Variants in SLC8A1 observed in about 807,000 individuals in gnomAD.
SLC8A1 encodes the protein solute carrier family 8 member A1.
In SLC8A1, 18 loss-of-function variants were observed where a neutral mutation model predicts 68.3. That is an observed-to-expected ratio of 0.26 (90% CI 0.18 to 0.39). The LOEUF (loss-of-function observed/expected upper bound fraction) is 0.39. Ranked by LOEUF, SLC8A1 falls within the 10% of genes least tolerant of loss-of-function variation. The pLI, the probability that SLC8A1 is intolerant of heterozygous loss-of-function variation, is 1.00. For synonymous variants in SLC8A1, 475 were observed against 415.5 expected (o/e 1.14, Z -1.74); for missense variants, 985 against 1,156.7 (o/e 0.85, Z 2.15).
chr2:40,312,067 C>G (rs897537304), intron 2 of SLC8A1, among the ~76,000 whole-genome samples: 2 of 152,006 alleles, frequency 1.3e-5, no homozygotes, highest in African/African-American at 4.8e-5. Flanking sequence ...CTAGGCTAGA[C>G]AAAAAATTCA....
intron 2 of SLC8A1, among the ~76,000 whole-genome samples, chr2:40,398,381 G>T (rs886687660): frequency 1.3e-5 from 2 of 152,082 alleles, no homozygotes; most frequent in African/African-American, 4.8e-5. Flanking sequence ...GTACTGTCTT[G>T]TTCCTGGTTA....
chr2:40,146,544 C>CTAT (rs2042495348), intron 6 of SLC8A1, among the ~76,000 whole-genome samples: 1 of 151,980 alleles, frequency 6.6e-6, no homozygotes, highest in African/African-American at 2.4e-5. Context: ...CACTTTATTT[C>CTAT]TATTATTGTT....
chr2:40,241,135 C>T (rs379859), intron 2 of SLC8A1, among the ~76,000 whole-genome samples: 21,573 of 151,964 alleles, frequency 0.14, 1,923 homozygotes, highest in African/African-American at 0.23. Flanking sequence ...AAAGCTAATA[C>T]GGTATATATA....
At chr2:40,404,266 G>A (rs1220036252) in intron 2 of SLC8A1, among the ~76,000 whole-genome samples, 1 of 152,116 alleles carries the variant, frequency 6.6e-6, no homozygotes, top group African/African-American at 2.4e-5. Context: ...ACACAAATCT[G>A]ACAACATATC....
chr2:40,333,113 T>C (rs572792599), intron 2 of SLC8A1, among the ~76,000 whole-genome samples: 110 of 152,282 alleles, frequency 7.2e-4, no homozygotes, highest in Non-Finnish European at 1.3e-3. Flanking sequence ...AAAAAAAATC[T>C]CTTAACGAAA....
intron 2 of SLC8A1, among the ~76,000 whole-genome samples, chr2:40,383,837 C>A (rs989229776): frequency 1.3e-5 from 2 of 152,126 alleles, no homozygotes; most frequent in African/African-American, 4.8e-5. Flanking sequence ...TTAATAGCAT[C>A]TGTAAACATT....
At chr2:40,489,988 A>G (rs186064980) in intron 1 of SLC8A1, among the ~76,000 whole-genome samples, 4 of 152,158 alleles carry the variant, frequency 2.6e-5, no homozygotes, top group African/African-American at 9.6e-5. Flanking sequence ...ACATTTTTAC[A>G]TTGTGTCACT....
intron 2 of SLC8A1, among the ~76,000 whole-genome samples, chr2:40,362,935 T>G (rs1309628687): frequency 1.3e-5 from 2 of 152,124 alleles, no homozygotes; most frequent in East Asian, 3.9e-4. Flanking sequence ...CCCCATGCAA[T>G]ACAGTTTATC....
At chr2:40,222,046 G>T (rs1436313946) in intron 2 of SLC8A1, among the ~76,000 whole-genome samples, 1 of 152,120 alleles carries the variant, frequency 6.6e-6, no homozygotes, top group East Asian at 1.9e-4. Context: ...AACTAAAAAA[G>T]AGCCTGTGTA....
In SLC8A1 at chr2:40,236,501, C is replaced by T. The variant is rs1426613670; in HGVS notation, c.1809-58646G>A. On this transcript the variant is annotated intron_variant, in intron 2 of 7. Transcript: ENST00000406785. ...TTTTGAGCCTATGTGTGTCTCTGCA[C>T]GTGAGATGGGTTTCCTGAATACAGC... is the stretch of plus-strand genomic sequence containing the variant. Among the ~76,000 whole-genome samples the T allele has an allele frequency of 1.5e-4, 23 of 151,846 alleles. 1 individual carries two copies. In the East Asian group the frequency reaches 4.1e-3, roughly 27 times the overall value.
intron 2 of SLC8A1, among the ~76,000 whole-genome samples, chr2:40,320,371 C>G (rs554409808): frequency 6.6e-6 from 1 of 152,226 alleles, no homozygotes; most frequent in South Asian, 2.1e-4. Flanking sequence ...ACCATTATGT[C>G]CACTGCCCTT....
intron 2 of SLC8A1, among the ~76,000 whole-genome samples, chr2:40,422,590 T>C (rs551451210): frequency 6.6e-6 from 1 of 152,270 alleles, no homozygotes; most frequent in Non-Finnish European, 1.5e-5. Flanking sequence ...TTTTACAAGA[T>C]GGTGACAGAG....
At chr2:40,338,148 C>G (rs914017510) in intron 2 of SLC8A1, among the ~76,000 whole-genome samples, 7 of 152,080 alleles carry the variant, frequency 4.6e-5, no homozygotes, top group Non-Finnish European at 1.0e-4. Flanking sequence ...TCCAATAAGG[C>G]TACAATTCAG....
At chr2:40,188,129 A>T (rs920176336) in intron 2 of SLC8A1, among the ~76,000 whole-genome samples, 1 of 152,188 alleles carries the variant, frequency 6.6e-6, no homozygotes, top group Admixed American at 6.5e-5. Context: ...AAATACTGGC[A>T]TTTTGCAAAT....
chr2:40,448,559 T>G (rs1002855867), intron 1 of SLC8A1, among the ~76,000 whole-genome samples: 3 of 152,202 alleles, frequency 2.0e-5, no homozygotes, highest in African/African-American at 7.2e-5. Flanking sequence ...CCACTGGTTT[T>G]GTTAGCCACC....
intron 2 of SLC8A1, among the ~76,000 whole-genome samples, chr2:40,408,125 T>G (rs1457319466): frequency 6.6e-6 from 1 of 152,154 alleles, no homozygotes; most frequent in East Asian, 1.9e-4. Context: ...TTCTACAATC[T>G]CTAGTTTCTT....
At chr2:40,105,975 A>C (rs1428886616) in exon 8 of SLC8A1, 4 of 152,152 alleles carry the variant, frequency 2.6e-5, no homozygotes, top group African/African-American at 9.7e-5. Flanking sequence ...GGGGCAGGAG[A>C]GGCAGTGGTT....
intron 2 of SLC8A1, among the ~76,000 whole-genome samples, chr2:40,357,655 C>A (rs374293853): frequency 1.3e-5 from 2 of 151,980 alleles, no homozygotes; most frequent in South Asian, 4.2e-4. Context: ...CAAACCTGCA[C>A]GTTCTGCACA....
intron 2 of SLC8A1, among the ~76,000 whole-genome samples, chr2:40,355,276 GACA>G (rs1038447272): frequency 4.6e-5 from 7 of 152,128 alleles, no homozygotes; most frequent in Non-Finnish European, 1.0e-4. Context: ...TTTTGATTCT[GACA>G]ACAACATGCA....
Sources: allele counts gnomAD v4.1 joint callset (sites outside exome capture counted in the v4.1 genomes callset), GRCh38; gene constraint gnomAD v4.1.1; transcripts MANE v1.5; gene names NCBI Gene and HGNC (gene_info 2026-07-23, HGNC 2026-07-21).